FAR2: variants seen among roughly 807,000 people sequenced by gnomAD.
The protein encoded by FAR2 is fatty acyl-CoA reductase 2.
Under a neutral mutation model 56.0 loss-of-function variants are expected in FAR2, and 19 were observed. That is an observed-to-expected ratio of 0.34 (90% CI 0.24 to 0.50). The LOEUF (loss-of-function observed/expected upper bound fraction) is 0.50. Among genes scored for constraint, FAR2 ranks in the 20% least tolerant of loss-of-function variants. The pLI, the probability that FAR2 is intolerant of heterozygous loss-of-function variation, is 0.98. For missense variants in FAR2, 508 were observed against 642.2 expected (o/e 0.79, Z 2.26); for synonymous variants, 219 against 218.8 (o/e 1.00, Z -0.01).
In FAR2 at chr12:29,332,692, G is replaced by T. The variant is rs1949748452; in HGVS notation, c.1350G>T (p.Met450Ile). Reference protein sequence around the residue: ...GVKKYLLKEDMAGIPKAKQRL... With the variant: ...GVKKYLLKEDIAGIPKAKQRL... ...AAAAATACTTATTGAAAGAGGATAT[G>T]GCTGGGATCCCAAAAGCAAAGCAAC... The change falls in exon 11 of 12, where the codon ATG (methionine) becomes ATT (isoleucine). Residue 450 changes from methionine to isoleucine, a missense_variant. By Grantham distance (10) the Met-to-Ile change is conservative. Coordinates refer to ENST00000536681, the MANE Select transcript of FAR2 (RefSeq NM_001271783.2). 5 of 1,613,620 alleles carry T rather than the reference G, an allele frequency of 3.1e-6. No individual in the cohort carries two copies. The African/African-American group carries it at 6.7e-5, about 22-fold the overall frequency.
intron 1 of FAR2, among the ~76,000 whole-genome samples, chr12:29,192,874 TCAAAA>T (rs67286672): frequency 0.039 from 5,867 of 152,216 alleles, 322 homozygotes; most frequent in African/African-American, 0.13. Context: ...AGCAAGAGAC[TCAAAA>T]CAAATGCTTC....
chr12:29,201,318 CT>C (rs1241407035), intron 1 of FAR2, among the ~76,000 whole-genome samples: 1 of 152,148 alleles, frequency 6.6e-6, no homozygotes, highest in African/African-American at 2.4e-5. Context: ...TTATAGACAT[CT>C]ACTGCCCTTT....
chr12:29,167,523 C>T (rs1949840776), intron 1 of FAR2, among the ~76,000 whole-genome samples: 1 of 152,196 alleles, frequency 6.6e-6, no homozygotes. Flanking sequence ...CATGTAGATG[C>T]TCAAACATTT....
intron 6 of FAR2, among the ~76,000 whole-genome samples, chr12:29,310,236 A>G (rs971113325): frequency 3.9e-5 from 6 of 152,182 alleles, no homozygotes; most frequent in Non-Finnish European, 2.9e-5. Flanking sequence ...ATTTATTTAC[A>G]TTTTCTAAAA....
intron 2 of FAR2, among the ~76,000 whole-genome samples, chr12:29,278,544 C>A (rs964470758): frequency 1.3e-5 from 2 of 151,798 alleles, no homozygotes; most frequent in Non-Finnish European, 2.9e-5. Context: ...ATGGTGGTCT[C>A]ACTACATTGT....
At chr12:29,318,575 A>T (rs1281798500) in intron 9 of FAR2, among the ~76,000 whole-genome samples, 1 of 152,208 alleles carries the variant, frequency 6.6e-6, no homozygotes. Flanking sequence ...TGGCAGAAAA[A>T]GCTGAAATCC....
At chr12:29,215,405 T>C (rs919964874) in intron 1 of FAR2, among the ~76,000 whole-genome samples, 4 of 152,212 alleles carry the variant, frequency 2.6e-5, no homozygotes, top group Non-Finnish European at 5.9e-5. Context: ...TGTATATTGA[T>C]GTTATGTTTG....
intron 1 of FAR2, among the ~76,000 whole-genome samples, chr12:29,241,652 C>T (rs4369447): frequency 0.19 from 28,618 of 152,010 alleles, 2,935 homozygotes; most frequent in Middle Eastern, 0.29. Context: ...TTTTAAAAGA[C>T]GTATGAAATG....
At chr12:29,181,374 A>AT (rs1158653405) in intron 1 of FAR2, among the ~76,000 whole-genome samples, 2 of 152,254 alleles carry the variant, frequency 1.3e-5, no homozygotes, top group East Asian at 1.9e-4. Flanking sequence ...AAACTAGCCA[A>AT]TTTTTTTAGG....
In FAR2 at chr12:29,321,880, A is replaced by G. The variant is rs1949558575; in HGVS notation, c.1213A>G (p.Asn405Asp). Residue 405 changes from asparagine to aspartate, a missense_variant, in exon 10 of 12, where the codon AAT (asparagine) becomes GAT (aspartate). Physicochemically the swap from Asn to Asp is conservative, Grantham distance 23 (BLOSUM62 1). Coordinates refer to ENST00000536681, the MANE Select transcript of FAR2 (RefSeq NM_001271783.2). The part of the protein sequence containing the change: ...INRSWEWSTY[N>D]TEMLMSELSP... ...CCGGAGTTGGGAATGGAGCACGTAC[A>G]ATACAGAAATGCTGATGTCTGAGCT... The G allele has an allele frequency of 6.2e-7, 1 of 1,613,722 alleles. No homozygotes were observed. Among genetic ancestry groups the G allele is most frequent in the Non-Finnish European group, 8.5e-7 (1 of 1,179,800 alleles).
rs564345987 is a variant in FAR2, at chr12:29,333,904, G to A, written c.*110G>A. The stretch of plus-strand genomic sequence containing the variant: ...AAGGAATATGCCCAAACTGTCAAAT[G>A]TCACCTGTTATGTATTCGTCCCTAT... On this transcript the variant is annotated 3_prime_UTR_variant, in exon 12 of 12. Coordinates refer to ENST00000536681, the MANE Select transcript of FAR2 (RefSeq NM_001271783.2). 6.8e-6 allele frequency: 7 copies of A among 1,028,148 alleles called. No homozygotes were observed. Among genetic ancestry groups the A allele is most frequent in the Admixed American group, 2.3e-5 (1 of 43,276 alleles). The allele number at this position is 1,028,148 out of a possible 1,614,324, so 63.7% of individuals were successfully genotyped here.
intron 1 of FAR2, among the ~76,000 whole-genome samples, chr12:29,253,696 T>C (rs1169980813): frequency 6.6e-6 from 1 of 152,136 alleles, no homozygotes; most frequent in Non-Finnish European, 1.5e-5. Flanking sequence ...AGCATCAAAA[T>C]TTACATTTAA....
intron 1 of FAR2, among the ~76,000 whole-genome samples, chr12:29,187,672 G>C (rs1362573799): frequency 6.6e-6 from 1 of 152,156 alleles, no homozygotes; most frequent in East Asian, 1.9e-4. Context: ...ATATATTTTT[G>C]TGGGTCTATT....
intron 1 of FAR2, among the ~76,000 whole-genome samples, chr12:29,150,021 G>A (rs1949669697): frequency 1.3e-5 from 2 of 152,168 alleles, no homozygotes; most frequent in African/African-American, 4.8e-5. Flanking sequence ...GCGCTGGGGC[G>A]ACTGGTGAGG....
chr12:29,328,884 AAATAT>A (rs1949689087), intron 10 of FAR2, among the ~76,000 whole-genome samples: 2 of 152,032 alleles, frequency 1.3e-5, no homozygotes, highest in South Asian at 4.2e-4. Flanking sequence ...CTAAAACTTA[AAATAT>A]AATAATAATT....
chr12:29,263,224 C>T (rs1347727044), intron 1 of FAR2, among the ~76,000 whole-genome samples: 2 of 152,154 alleles, frequency 1.3e-5, no homozygotes, highest in East Asian at 3.9e-4. Context: ...ACCCCACCTT[C>T]AGCATTGGAC....
intron 8 of FAR2, among the ~76,000 whole-genome samples, chr12:29,315,810 G>A (rs550610030): frequency 1.3e-5 from 2 of 152,278 alleles, no homozygotes; most frequent in South Asian, 4.1e-4. Flanking sequence ...TGGGAAGGGG[G>A]TGGTTGGTAG....
chr12:29,208,972 T>C lies in FAR2; in HGVS notation c.-39+59565T>C, dbSNP rs185568295. On this transcript the variant is annotated intron_variant, in intron 1 of 11. Coordinates refer to ENST00000536681, the MANE Select transcript of FAR2 (RefSeq NM_001271783.2). Reference sequence around the variant, plus strand: ...CCAACCTGCTTTAGGTGGTTTAGTCTGATGAAGACACACAGACTACTCAAA... The same window carrying C: ...CCAACCTGCTTTAGGTGGTTTAGTCCGATGAAGACACACAGACTACTCAAA... Among the ~76,000 whole-genome samples, 221 of 152,048 alleles carry C rather than the reference T, an allele frequency of 1.5e-3. 1 individual carries two copies. The South Asian group carries it at 0.021, about 15-fold the overall frequency.
intron 10 of FAR2, among the ~76,000 whole-genome samples, chr12:29,322,681 G>A (rs1247078399): frequency 6.6e-6 from 1 of 152,014 alleles, no homozygotes; most frequent in Non-Finnish European, 1.5e-5. Context: ...AAATTTTAAG[G>A]TTTTCACTCC....
Sources: gnomAD v4.1 joint callset for allele counts (sites outside exome capture counted in the v4.1 genomes callset) on GRCh38, gnomAD v4.1.1 for gene constraint, MANE v1.5 for transcripts, NCBI Gene and HGNC (gene_info 2026-07-23, HGNC 2026-07-21) for gene names.